The following MSI2 variants were observed in gnomAD, a reference collection of about 807,000 sequenced individuals.
The protein encoded by MSI2 is RNA-binding protein Musashi homolog 2.
In MSI2, 17 loss-of-function variants were observed where a neutral mutation model predicts 45.6. The ratio of observed to expected loss-of-function variants is 0.37; its 90% CI spans 0.26 to 0.56. The LOEUF (loss-of-function observed/expected upper bound fraction) is 0.56, where lower values mean the gene tolerates loss of function less well. Ranked by LOEUF, MSI2 falls within the 20% of genes least tolerant of loss-of-function variation. The pLI, the probability that MSI2 is intolerant of heterozygous loss-of-function variation, is 0.77. For synonymous variants in MSI2, 156 were observed against 158.2 expected, an observed-to-expected ratio of 0.99 and a Z score of 0.11; for missense variants, 293 against 444.2, an observed-to-expected ratio of 0.66 and a Z score of 3.06.
chr17:57,524,854 C>T (rs2086664198), intron 6 of MSI2, among the ~76,000 whole-genome samples: 1 of 152,200 alleles, frequency 6.6e-6, no homozygotes, highest in South Asian at 2.1e-4. Context: ...AAGAAGCAAC[C>T]TCTGCCCAGT....
At chr17:57,578,861 C>G (rs568188825) in intron 7 of MSI2, among the ~76,000 whole-genome samples, 1 of 152,062 alleles carries the variant, frequency 6.6e-6, no homozygotes, top group African/African-American at 2.4e-5. Flanking sequence ...TCTTTTTCCC[C>G]CTCCTCTTTG....
chr17:57,591,438 T>C (rs747161798), intron 7 of MSI2, among the ~76,000 whole-genome samples: 32 of 152,090 alleles, frequency 2.1e-4, no homozygotes, highest in Admixed American at 8.5e-4. Context: ...ACAAGTAAAA[T>C]ATAAGCCGGT....
At chr17:57,540,765 G>A (rs536142354) in intron 7 of MSI2, among the ~76,000 whole-genome samples, 3 of 152,330 alleles carry the variant, frequency 2.0e-5, no homozygotes, top group South Asian at 2.1e-4. Context: ...AGAGGGCATG[G>A]CCTTGCCAAC....
intron 6 of MSI2, among the ~76,000 whole-genome samples, chr17:57,460,124 G>C (rs2085196070): frequency 7.5e-6 from 1 of 133,212 alleles, no homozygotes; most frequent in South Asian, 2.6e-4. Flanking sequence ...ACGGAACTCT[G>C]TCTCAAATAA....
chr17:57,404,873 C>A (rs778302440), intron 6 of MSI2, among the ~76,000 whole-genome samples: 1 of 152,104 alleles, frequency 6.6e-6, no homozygotes, highest in East Asian at 1.9e-4. Flanking sequence ...CCAGAAAACA[C>A]ACCCCCTCTC....
Position 57,430,813 on chromosome 17 carries a change from TGTG to T in MSI2, c.405+29351_405+29353del, listed in dbSNP as rs574517571. 1.2e-4 allele frequency among the ~76,000 whole-genome samples: 18 copies of T among 152,244 alleles called. No individual in the cohort carries two copies. In the East Asian group the frequency reaches 3.5e-3, roughly 29 times the overall value. On this transcript the variant is annotated intron_variant, in intron 6 of 13. Transcript: ENST00000284073. ...CAGAGGTGGTGGGAGGAAGCAAGGCTGTGGTGGTGGTTGGGTGGAGGAATCAGA... is the reference window on the plus strand; with the variant it reads ...CAGAGGTGGTGGGAGGAAGCAAGGCTGTGGTGGTTGGGTGGAGGAATCAGA...
At chr17:57,417,989 T>C (rs1191232337) in intron 6 of MSI2, among the ~76,000 whole-genome samples, 2 of 152,216 alleles carry the variant, frequency 1.3e-5, no homozygotes, top group Non-Finnish European at 2.9e-5. Context: ...CCTCCTCTCA[T>C]TCGTAGCTCC....
At chr17:57,434,270 T>G (rs2084651885) in intron 6 of MSI2, among the ~76,000 whole-genome samples, 2 of 152,156 alleles carry the variant, frequency 1.3e-5, no homozygotes, top group African/African-American at 4.8e-5. Context: ...CAGCTAATTT[T>G]TTGTATTTTG....
At chr17:57,301,206 T>C (rs1204682361) in intron 5 of MSI2, among the ~76,000 whole-genome samples, 1 of 152,236 alleles carries the variant, frequency 6.6e-6, no homozygotes, top group Non-Finnish European at 1.5e-5. Flanking sequence ...GATTGATTCA[T>C]TTCCCTTTGA....
intron 5 of MSI2, among the ~76,000 whole-genome samples, chr17:57,327,418 G>T (rs1285620446): frequency 6.6e-6 from 1 of 152,226 alleles, no homozygotes; most frequent in African/African-American, 2.4e-5. Flanking sequence ...AAGGTACCTG[G>T]AATGAGTGCT....
Position 57,419,382 on chromosome 17 carries a change from A to G in MSI2, c.405+17911A>G, listed in dbSNP as rs111726084. ...TTACATTTTTCTTTTTTTTTTTTTG[A>G]GATGGAGTCTCACTCTGTCACCCAG... On this transcript the variant is annotated intron_variant, in intron 6 of 13. Coordinates refer to ENST00000284073, the MANE Select transcript of MSI2 (RefSeq NM_138962.4). Among the ~76,000 whole-genome samples, 387 of 143,876 alleles carry G rather than the reference A, an allele frequency of 2.7e-3. 3 individuals carry two copies. Among genetic ancestry groups the G allele is most frequent in the Non-Finnish European group, 4.5e-3 (296 of 66,496 alleles). 94.4% of individuals were successfully genotyped at this position (143,876 alleles called of 152,430 possible).
chr17:57,316,470 G>A (rs1490772971), intron 5 of MSI2, among the ~76,000 whole-genome samples: 1 of 152,052 alleles, frequency 6.6e-6, no homozygotes, highest in Admixed American at 6.6e-5. Context: ...GACCACAGGT[G>A]CATGCCATCA....
In MSI2 at chr17:57,616,052, T is replaced by C. The variant is rs1300253986; in HGVS notation, c.620T>C (p.Met207Thr). Residue 207 changes from methionine (M) to threonine (T), a missense_variant, in exon 9 of 14, where the codon ATG (methionine) becomes ACG (threonine). Transcript: ENST00000284073. ...RGRARGLPYT[M>T]DAFMLGMGML... ...CGGGCCCGGGGACTGCCTTACACCA[T>C]GGACGCGTTCATGCTTGGCATGGGG... 1.2e-6 allele frequency: 2 copies of C among 1,614,054 alleles called. No individual in the cohort carries two copies. Among genetic ancestry groups the C allele is most frequent in the Non-Finnish European group, 8.5e-7 (1 of 1,179,986 alleles).
chr17:57,374,240 T>C (rs1368928715), intron 5 of MSI2, among the ~76,000 whole-genome samples: 2 of 152,262 alleles, frequency 1.3e-5, no homozygotes, highest in Non-Finnish European at 2.9e-5. Flanking sequence ...TTTGAAGTCC[T>C]GTTGCATTTT....
At chr17:57,378,915 A>T (rs544355364) in intron 5 of MSI2, among the ~76,000 whole-genome samples, 2 of 152,152 alleles carry the variant, frequency 1.3e-5, no homozygotes, top group Admixed American at 1.3e-4. Flanking sequence ...TCTCACAGCG[A>T]CATGGGCCCA....
At chr17:57,370,661 C>T (rs1358909213) in intron 5 of MSI2, among the ~76,000 whole-genome samples, 7 of 152,208 alleles carry the variant, frequency 4.6e-5, no homozygotes, top group Non-Finnish European at 8.8e-5. Context: ...CTAGGTAACA[C>T]TCCTCAGCAC....
chr17:57,449,441 T>TG (rs1239869132), intron 6 of MSI2: 3 of 152,208 alleles, frequency 2.0e-5, no homozygotes, highest in Non-Finnish European at 4.4e-5. Flanking sequence ...TGTGGACCAG[T>TG]GGTTTCTCAA....
intron 11 of MSI2, among the ~76,000 whole-genome samples, chr17:57,653,623 A>G (rs1911351599): frequency 6.6e-6 from 1 of 152,142 alleles, no homozygotes; most frequent in Non-Finnish European, 1.5e-5. Context: ...GGAAAAGATA[A>G]AAGAAAACTC....
intron 5 of MSI2, chr17:57,265,489 G>T (rs1262072073): frequency 6.6e-6 from 1 of 152,154 alleles, no homozygotes; most frequent in African/African-American, 2.4e-5. Flanking sequence ...TTTCATATTA[G>T]TACTGTCATA....
Sources: gnomAD v4.1 joint callset for allele counts (sites outside exome capture counted in the v4.1 genomes callset) on GRCh38, gnomAD v4.1.1 for gene constraint, MANE v1.5 for transcripts, NCBI Gene and HGNC (gene_info 2026-07-23, HGNC 2026-07-21) for gene names.